MS4A4A: variants seen among roughly 807,000 people sequenced by gnomAD.
MS4A4A encodes membrane-spanning 4-domains subfamily A member 4A.
MS4A4A carries 26 observed loss-of-function variants against 28.0 expected under a neutral mutation model. The observed-to-expected ratio is 0.93, with a 90% CI of 0.68 to 1.29. MS4A4A has a LOEUF of 1.29. Among genes scored for constraint, MS4A4A ranks in the 50% most tolerant of loss-of-function variants. The pLI, the probability that MS4A4A is intolerant of heterozygous loss-of-function variation, is 0.00. For synonymous variants in MS4A4A, 86 were observed against 100.8 expected (o/e 0.85, Z 0.88); for missense variants, 290 against 293.1 (o/e 0.99, Z 0.08).
intron 1 of MS4A4A, among the ~76,000 whole-genome samples, chr11:60,289,488 A>G (rs1302128322): frequency 1.3e-5 from 2 of 152,028 alleles, no homozygotes; most frequent in Non-Finnish European, 2.9e-5. Context: ...ATGATCTACA[A>G]GATTTCTGCT....
rs192805854 is a variant in MS4A4A, at chr11:60,297,220, G to C, written c.225G>C (p.Leu75=). The change falls in exon 3 of 7, where the codon CTG becomes CTC. Residue 75 remains leucine (L), a synonymous_variant. Coordinates refer to ENST00000337908, the MANE Select transcript of MS4A4A (RefSeq NM_148975.3). ...VLGVVQILTA[L]MSLSMGITMM... Reference sequence around the variant, plus strand: ...AGGTTGTGCAGATTCTGACTGCCCTGATGAGCCTTAGCATGGGAATAACAA... The same window carrying C: ...AGGTTGTGCAGATTCTGACTGCCCTCATGAGCCTTAGCATGGGAATAACAA... 1.6e-4 allele frequency: 251 copies of C among 1,613,462 alleles called. 2 individuals carry two copies. The East Asian group carries it at 5.5e-3, about 36-fold the overall frequency.
chr11:60,287,558 C>G (rs1047405705), intron 1 of MS4A4A, among the ~76,000 whole-genome samples: 3 of 152,202 alleles, frequency 2.0e-5, no homozygotes, highest in African/African-American at 7.2e-5. Flanking sequence ...AGCATCTCAT[C>G]TACAACCCTC....
chr11:60,307,834 C>T (rs1431431387), intron 6 of MS4A4A, among the ~76,000 whole-genome samples: 1 of 152,172 alleles, frequency 6.6e-6, no homozygotes, highest in African/African-American at 2.4e-5. Context: ...GTTTACCCAA[C>T]GTACTGTGCA....
chr11:60,308,194 AACAG>A lies in MS4A4A; in HGVS notation c.*20_*23del. The A allele has an allele frequency of 1.2e-6, 2 of 1,610,804 alleles. No homozygotes were observed. Among genetic ancestry groups the A allele is most frequent in the Non-Finnish European group, 1.7e-6 (2 of 1,176,968 alleles). Reference sequence around the variant, plus strand: ...TGAGGTTTGAGGCCACCAAAAGATCAACAGACAAATGCTCCAGAAATCTATGCTG... The same window carrying A: ...TGAGGTTTGAGGCCACCAAAAGATCAACAAATGCTCCAGAAATCTATGCTG... On this transcript the variant is annotated 3_prime_UTR_variant, in exon 7 of 7. Coordinates refer to ENST00000337908, the MANE Select transcript of MS4A4A (RefSeq NM_148975.3).
intron 6 of MS4A4A, 59 bp downstream of exon 6, chr11:60,306,260 A>G (rs906279742): frequency 1.5e-6 from 2 of 1,295,388 alleles, no homozygotes; most frequent in East Asian, 4.6e-5. Context: ...TGTGTAATCG[A>G]TTACACACAC....
At position 60,306,132 on chromosome 11, in the gene MS4A4A, G is replaced by A. The variant is rs761197812; in HGVS notation, c.579G>A (p.Val193=). 5 of 1,614,020 alleles carry A rather than the reference G, an allele frequency of 3.1e-6. No homozygotes were observed. The highest frequency in any genetic ancestry group is 4.2e-6 in the Non-Finnish European group (5 of 1,179,854). The change falls in exon 6 of 7, where the codon GTG becomes GTA. Residue 193 remains valine, a synonymous_variant. Transcript: ENST00000337908. ...ATGGCATGGTGCTCCTCCTAAGTGT[G>A]CTGGAATTCTGCATTGCTGTGTCCC... The part of the protein sequence containing the change: ...GLDGMVLLLS[V]LEFCIAVSLS...
At chr11:60,293,945 T>C (rs2084879473) in intron 2 of MS4A4A, among the ~76,000 whole-genome samples, 1 of 152,224 alleles carries the variant, frequency 6.6e-6, no homozygotes. Flanking sequence ...GTGCAGGTCA[T>C]GTGTGGACAT....
chr11:60,296,430 T>C (rs2084905935), intron 2 of MS4A4A, among the ~76,000 whole-genome samples: 1 of 152,080 alleles, frequency 6.6e-6, no homozygotes, highest in Non-Finnish European at 1.5e-5. Context: ...CTTTGGATTT[T>C]ATTGATTTTG....
intron 6 of MS4A4A, among the ~76,000 whole-genome samples, chr11:60,306,503 G>A (rs534385695): frequency 1.4e-4 from 21 of 152,278 alleles, no homozygotes; most frequent in African/African-American, 4.1e-4. Flanking sequence ...GAAATCAGCC[G>A]GTTGCTAATG....
At chr11:60,288,299 C>T (rs751168249) in intron 1 of MS4A4A, among the ~76,000 whole-genome samples, 3 of 152,214 alleles carry the variant, frequency 2.0e-5, no homozygotes, top group Non-Finnish European at 4.4e-5. Flanking sequence ...AGATTGACAG[C>T]TTGTACTTTT....
chr11:60,283,231 T>C lies in MS4A4A; in HGVS notation c.41+2515T>C, dbSNP rs547259851. ...ACAGGCGCCCACCACCACACCCAGC[T>C]AATTTTTGCATTTTGTGTAGAGATG... On this transcript the variant is annotated intron_variant, in intron 1 of 6. Transcript: ENST00000337908. 2.6e-4 allele frequency among the ~76,000 whole-genome samples: 39 copies of C among 152,274 alleles called. 1 individual carries two copies. In the East Asian group the frequency reaches 6.6e-3, roughly 26 times the overall value.
chr11:60,287,475 G>A (rs1947360), intron 1 of MS4A4A, among the ~76,000 whole-genome samples: 92,118 of 152,070 alleles, frequency 0.61, 29,573 homozygotes, highest in Admixed American at 0.71. Flanking sequence ...ACCTCTTGAA[G>A]GTCCCACCTC....
intron 1 of MS4A4A, among the ~76,000 whole-genome samples, chr11:60,290,520 T>G (rs1343797575): frequency 6.6e-6 from 1 of 152,100 alleles, no homozygotes; most frequent in African/African-American, 2.4e-5. Flanking sequence ...GATTTTTTGG[T>G]TACATTCTTA....
chr11:60,305,032 T>C (rs905788570), intron 5 of MS4A4A, among the ~76,000 whole-genome samples: 2 of 152,232 alleles, frequency 1.3e-5, no homozygotes, highest in Admixed American at 6.5e-5. Flanking sequence ...TTGGCTCTTC[T>C]GCAACAGAGG....
intron 5 of MS4A4A, among the ~76,000 whole-genome samples, chr11:60,303,102 C>T (rs1048593657): frequency 3.9e-5 from 6 of 152,152 alleles, no homozygotes. Flanking sequence ...TTGTCTTGAA[C>T]AGTATTTTAC....
At chr11:60,283,223 C>T (rs1332284375) in intron 1 of MS4A4A, among the ~76,000 whole-genome samples, 2 of 152,152 alleles carry the variant, frequency 1.3e-5, no homozygotes, top group East Asian at 1.9e-4. Flanking sequence ...CCCACCACCA[C>T]ACCCAGCTAA....
At position 60,308,105 on chromosome 11, in the gene MS4A4A, A is replaced by G. The variant is rs867117230; in HGVS notation, c.649-2A>G. ...ACCTTTGGCATTCTGATTGTTTCAC[A>G]GGTTGTGTTAATTCTGCCATCACAT... On this transcript the variant is annotated splice_acceptor_variant, in intron 6 of 6. Transcript: ENST00000337908. LOFTEE classifies it high-confidence loss of function. 7.4e-6 allele frequency: 12 copies of G among 1,613,888 alleles called. No individual in the cohort carries two copies. In the Middle Eastern group the frequency reaches 1.7e-3, roughly 222 times the overall value.
chr11:60,305,693 C>T (rs1345692787), intron 5 of MS4A4A: 1 of 158,182 alleles, frequency 6.3e-6, no homozygotes, highest in Non-Finnish European at 1.4e-5. Flanking sequence ...GGGAGGTCTG[C>T]ATTCTAATCT....
At chr11:60,287,796 G>A (rs192882355) in intron 1 of MS4A4A, among the ~76,000 whole-genome samples, 6 of 152,328 alleles carry the variant, frequency 3.9e-5, no homozygotes, top group Admixed American at 6.5e-5. Context: ...TGAAACAGGT[G>A]CAGAATAGAC....
Sources: gnomAD v4.1 joint callset for allele counts (sites outside exome capture counted in the v4.1 genomes callset) on GRCh38, gnomAD v4.1.1 for gene constraint, MANE v1.5 for transcripts, NCBI Gene and HGNC (gene_info 2026-07-23, HGNC 2026-07-21) for gene names.